HOXB8: variants seen among roughly 807,000 people sequenced by gnomAD.
The protein encoded by HOXB8 is homeobox B8, also known as homeobox protein Hox-B8.
HOXB8 carries 17 observed loss-of-function variants against 22.2 expected under a neutral mutation model. That is an observed-to-expected ratio of 0.77 (90% CI 0.53 to 1.15). The LOEUF (loss-of-function observed/expected upper bound fraction) is 1.15. HOXB8 is among the 50% of genes most tolerant of loss of function. The pLI, the probability that HOXB8 is intolerant of heterozygous loss-of-function variation, is 0.00. For synonymous variants in HOXB8, 156 were observed against 144.6 expected (o/e 1.08, Z -0.57); for missense variants, 287 against 323.8 (o/e 0.89, Z 0.87).
Position 48,614,275 on chromosome 17 carries a change from G to T in HOXB8, c.424+6C>A. ...CCTGCCCTTGTCGGCCCCGAGGCGA[G>T]CTCACCTTGCGGGCGCATCCAGGGG... On this transcript the variant is annotated splice_donor_region_variant and intron_variant, in intron 1 of 1. Transcript: ENST00000239144. This position sits in a 1 kb window ranked among gnomAD's most constrained non-coding sequence, Gnocchi z 4.1. The T allele has an allele frequency of 1.3e-6, 2 of 1,496,658 alleles. No individual in the cohort carries two copies. The highest frequency in any genetic ancestry group is 1.8e-6 in the Non-Finnish European group (2 of 1,132,180). The allele number at this position is 1,496,658 out of a possible 1,614,324, so 92.7% of individuals were successfully genotyped here.
chr17:48,614,898 C>A lies in HOXB8; in HGVS notation c.-194G>T, dbSNP rs967050693. 5.6e-6 allele frequency: 3 copies of A among 537,114 alleles called. No individual in the cohort carries two copies. Among genetic ancestry groups the A allele is most frequent in the African/African-American group, 3.9e-5 (2 of 51,758 alleles). The allele number at this position is 537,114 out of a possible 1,614,324, so 33.3% of individuals were successfully genotyped here. A position where few individuals can be genotyped will look rare whatever the true frequency, so the allele number is the denominator to read the frequency against. On this transcript the variant is annotated 5_prime_UTR_variant, in exon 1 of 2. Coordinates refer to ENST00000239144, the MANE Select transcript of HOXB8 (RefSeq NM_024016.4). This position sits in a 1 kb window ranked among gnomAD's most constrained non-coding sequence, Gnocchi z 4.1. ...AAGAAAGAAAAGGCGAAGAAGATCT[C>A]GAAGCCGACACACTTTTTGTGGTTT...
In HOXB8 at chr17:48,614,335, C is replaced by T. The variant is rs759929773; in HGVS notation, c.370G>A (p.Gly124Ser). The change falls in exon 1 of 2, where the codon GGC (glycine) becomes AGC (serine). Residue 124 changes from glycine (G) to serine (S), a missense_variant. Gly to Ser is a moderately conservative substitution (Grantham distance 56). Transcript: ENST00000239144. The surrounding 1 kb of genome is among the most constrained non-coding windows in gnomAD (Gnocchi z 4.1). ...AASGLGEEAE[G>S]SEQSPSPTQL... ...GTGGGCGACGGGCTCTGCTCGGAGC[C>T]CTCGGCCTCCTCGCCCAGGCCGCTG... 2 of 1,592,796 alleles carry T rather than the reference C, an allele frequency of 1.3e-6. No homozygotes were observed. Among genetic ancestry groups the T allele is most frequent in the Admixed American group, 1.7e-5 (1 of 58,064 alleles).
In HOXB8 at chr17:48,614,654, C is replaced by G; in HGVS notation, c.51G>C (p.Glu17Asp). Reference sequence around the variant, plus strand: ...AGTCATAATAATTGGGGCGCAGGGACTCCCCGGTTTTGTATTTGGAGAACA... The same window carrying G: ...AGTCATAATAATTGGGGCGCAGGGAGTCCCCGGTTTTGTATTTGGAGAACA... Reference protein sequence around the residue: ...NSLFSKYKTGESLRPNYYDCG... With the variant: ...NSLFSKYKTGDSLRPNYYDCG... Residue 17 changes from glutamate to aspartate, a missense_variant, in exon 1 of 2, where the codon GAG becomes GAC. By Grantham distance (45) the Glu-to-Asp change is conservative. Transcript: ENST00000239144. This position sits in a 1 kb window ranked among gnomAD's most constrained non-coding sequence, Gnocchi z 4.1. The G allele has an allele frequency of 6.2e-7, 1 of 1,607,962 alleles. No individual in the cohort carries two copies. The highest frequency in any genetic ancestry group is 8.5e-7 in the Non-Finnish European group (1 of 1,176,848).
In HOXB8 at chr17:48,613,167, C is replaced by T. The variant is rs775725748; in HGVS notation, c.*35G>A. 3 of 1,345,246 alleles carry T rather than the reference C, an allele frequency of 2.2e-6. No individual in the cohort carries two copies. Among genetic ancestry groups the T allele is most frequent in the East Asian group, 2.9e-5 (1 of 34,872 alleles). The allele number at this position is 1,345,246 out of a possible 1,614,324, so 83.3% of individuals were successfully genotyped here. A position where few individuals can be genotyped will look rare whatever the true frequency, so the allele number is the denominator to read the frequency against. Reference sequence around the variant, plus strand: ...GGCGCGGCCGGGACCCGCGGACGTGCGGGCGGCCGCGGCCCTGGCAGTCCC... The same window carrying T: ...GGCGCGGCCGGGACCCGCGGACGTGTGGGCGGCCGCGGCCCTGGCAGTCCC... On this transcript the variant is annotated 3_prime_UTR_variant, in exon 2 of 2. Coordinates refer to ENST00000239144, the MANE Select transcript of HOXB8 (RefSeq NM_024016.4).
rs2070668848 is a variant in HOXB8 at position 48,612,823 on chromosome 17, T to C, written c.*379A>G. The C allele has an allele frequency of 6.7e-6, 1 of 149,518 alleles. No individual in the cohort carries two copies. Among genetic ancestry groups the C allele is most frequent in the Admixed American group, 6.8e-5 (1 of 14,732 alleles). The allele number at this position is 149,518 out of a possible 1,614,324, so 9.3% of individuals were successfully genotyped here. On this transcript the variant is annotated 3_prime_UTR_variant, in exon 2 of 2. Coordinates refer to ENST00000239144, the MANE Select transcript of HOXB8 (RefSeq NM_024016.4). ...TAGCAGAAATCGGTACCTTGGTCAT[T>C]ACAAAGAAGCACGTTCAAAGGAAAA...
chr17:48,615,160 C>T lies in HOXB8; in HGVS notation c.-456G>A, dbSNP rs577820887. Among the ~76,000 whole-genome samples the T allele has an allele frequency of 1.3e-4, 20 of 151,944 alleles. No individual in the cohort carries two copies. The highest frequency in any genetic ancestry group is 1.3e-4 in the Admixed American group (2 of 15,284). ...CTGTCTTTTCATGATCATTTGCATC[C>T]ATTAGAGACCCCGCATCCTATTGGC... On this transcript the variant is annotated 5_prime_UTR_variant, in exon 1 of 2. The change abolishes an upstream ATG in the 5' untranslated region. Transcript: ENST00000239144.
chr17:48,613,125 C>G lies in HOXB8; in HGVS notation c.*77G>C. 1 of 1,054,794 alleles carries G rather than the reference C, an allele frequency of 9.5e-7. No homozygotes were observed. The highest frequency in any genetic ancestry group is 4.5e-5 in the South Asian group (1 of 22,162). 65.3% of individuals were successfully genotyped at this position (1,054,794 alleles called of 1,614,324 possible). A position where few individuals can be genotyped will look rare whatever the true frequency, so the allele number is the denominator to read the frequency against. On this transcript the variant is annotated 3_prime_UTR_variant, in exon 2 of 2. Transcript: ENST00000239144. Reference sequence around the variant, plus strand: ...CTAGCGGGGCCAGAGCTCTCTCGGGCAGGGGCGCGCGGCGGCGGCGCGGCC... The same window carrying G: ...CTAGCGGGGCCAGAGCTCTCTCGGGGAGGGGCGCGCGGCGGCGGCGCGGCC...
Position 48,614,988 on chromosome 17 carries a change from T to A in HOXB8, c.-284A>T. 7.4e-6 allele frequency: 2 copies of A among 271,556 alleles called. No individual in the cohort carries two copies. The highest frequency in any genetic ancestry group is 6.7e-6 in the Non-Finnish European group (1 of 148,800). The allele number at this position is 271,556 out of a possible 1,614,324, so 16.8% of individuals were successfully genotyped here. A position where few individuals can be genotyped will look rare whatever the true frequency, so the allele number is the denominator to read the frequency against. ...AGCTTGCATGGCAGCCGCGGCTCGC[T>A]CGCCCTCCCCCCACCCCCCACCCCC... On this transcript the variant is annotated 5_prime_UTR_variant, in exon 1 of 2. Coordinates refer to ENST00000239144, the MANE Select transcript of HOXB8 (RefSeq NM_024016.4). This position sits in a 1 kb window ranked among gnomAD's most constrained non-coding sequence, Gnocchi z 4.1.
chr17:48,613,478 G>C lies in HOXB8; in HGVS notation c.456C>G (p.Thr152=). Residue 152 remains threonine (T), a synonymous_variant, in exon 2 of 2, where the codon ACC becomes ACG. Transcript: ENST00000239144. ...GCTCCAGGGTCTGGTAGCGGCTGTAGGTCTGTCGGCCTCGCCTGCGTCCGG... is the reference window on the plus strand; with the variant it reads ...GCTCCAGGGTCTGGTAGCGGCTGTACGTCTGTCGGCCTCGCCTGCGTCCGG... ...AAAGRRRGRQ[T]YSRYQTLELE... is the part of the protein sequence containing the mutation. 1.3e-6 allele frequency: 2 copies of C among 1,595,672 alleles called. No individual in the cohort carries two copies. The highest frequency in any genetic ancestry group is 1.7e-6 in the Non-Finnish European group (2 of 1,167,288).
chr17:48,613,176 G>A lies in HOXB8; in HGVS notation c.*26C>T, dbSNP rs762950008. The A allele has an allele frequency of 5.7e-6, 8 of 1,393,286 alleles. No individual in the cohort carries two copies. Among genetic ancestry groups the A allele is most frequent in the Non-Finnish European group, 7.5e-6 (8 of 1,068,972 alleles). 86.3% of individuals were successfully genotyped at this position (1,393,286 alleles called of 1,614,324 possible). On this transcript the variant is annotated 3_prime_UTR_variant, in exon 2 of 2. Transcript: ENST00000239144. ...GGGACCCGCGGACGTGCGGGCGGCC[G>A]CGGCCCTGGCAGTCCCAGCTGAAGC...
At position 48,613,256 on chromosome 17, in the gene HOXB8, C is replaced by T. The variant is rs2087307089; in HGVS notation, c.678G>A (p.Glu226=). ...CCTCGTCCGCCGCCTCTGGGGCCCG[C>T]TCCAGCTTCTGTTTCTCCAGCTCCT... ...EQEELEKQKL[E]RAPEAADEGD... Residue 226 remains glutamate, a synonymous_variant, in exon 2 of 2, where the codon GAG becomes GAA. Transcript: ENST00000239144. The T allele has an allele frequency of 6.2e-7, 1 of 1,613,820 alleles. No homozygotes were observed. Among genetic ancestry groups the T allele is most frequent in the Non-Finnish European group, 8.5e-7 (1 of 1,179,854 alleles).
chr17:48,614,319 G>C lies in HOXB8; in HGVS notation c.386C>G (p.Pro129Arg). The change falls in exon 1 of 2, where the codon CCG (proline) becomes CGG (arginine). Residue 129 changes from proline (P) to arginine (R), a missense_variant. This residue lies in a region of HOXB8 where 229 missense variants were observed against 239.8 expected (regional missense o/e 0.95). Transcript: ENST00000239144. This position sits in a 1 kb window ranked among gnomAD's most constrained non-coding sequence, Gnocchi z 4.1. ...GEEAEGSEQSPSPTQLFPWMR... is the reference protein window; with the variant it reads ...GEEAEGSEQSRSPTQLFPWMR... ...CCAGGGGAAGAGCTGTGTGGGCGAC[G>C]GGCTCTGCTCGGAGCCCTCGGCCTC... 2 of 1,560,966 alleles carry C rather than the reference G, an allele frequency of 1.3e-6. No individual in the cohort carries two copies. The highest frequency in any genetic ancestry group is 1.7e-6 in the Non-Finnish European group (2 of 1,163,104).
At position 48,613,297 on chromosome 17, in the gene HOXB8, T is replaced by G. The variant is rs1258056820; in HGVS notation, c.637A>C (p.Ser213Arg). Residue 213 changes from serine (S) to arginine (R), a missense_variant, in exon 2 of 2, where the codon AGC (serine) becomes CGC (arginine). Ser to Arg is a moderately radical substitution (Grantham distance 110). This residue lies in a region of HOXB8 where 52 missense variants were observed against 54.8 expected (regional missense o/e 0.95). Coordinates refer to ENST00000239144, the MANE Select transcript of HOXB8 (RefSeq NM_024016.4). ...KENNKDKFPS[S>R]KCEQEELEKQ... is the part of the protein sequence containing the mutation. The stretch of plus-strand genomic sequence containing the variant: ...TCCAGCTCCTCCTGCTCGCATTTGC[T>G]GCTGGGGAACTTGTCTTTGTTGTTC... The G allele has an allele frequency of 6.2e-7, 1 of 1,614,030 alleles. No homozygotes were observed. Among genetic ancestry groups the G allele is most frequent in the South Asian group, 1.1e-5 (1 of 91,076 alleles).
rs555484690 is a variant in HOXB8 at position 48,614,192 on chromosome 17, C to T, written c.424+89G>A. ...GATCGGAACGGAGCCGGCAAGTCTT[C>T]CAGAAGCTGGAGGAAATGCGCCCCG... is the stretch of plus-strand genomic sequence containing the variant. On this transcript the variant is annotated intron_variant, in intron 1 of 1. Coordinates refer to ENST00000239144, the MANE Select transcript of HOXB8 (RefSeq NM_024016.4). This position sits in a 1 kb window ranked among gnomAD's most constrained non-coding sequence, Gnocchi z 4.1. 1 of 1,115,628 alleles carries T rather than the reference C, an allele frequency of 9.0e-7. No individual in the cohort carries two copies. The highest frequency in any genetic ancestry group is 1.8e-5 in the South Asian group (1 of 55,714). 69.1% of individuals were successfully genotyped at this position (1,115,628 alleles called of 1,614,324 possible).
In HOXB8 at chr17:48,614,520, G is replaced by C; in HGVS notation, c.185C>G (p.Ser62Trp). 1 of 1,613,926 alleles carries C rather than the reference G, an allele frequency of 6.2e-7. No homozygotes were observed. Among genetic ancestry groups the C allele is most frequent in the Non-Finnish European group, 8.5e-7 (1 of 1,179,918 alleles). ...CTGGTAGGGAGCCGTGGACAGCGAC[G>C]ACGGCCCGTGGTAGAACTCCTGGAT... The part of the protein sequence containing the change: ...SQIQEFYHGP[S>W]SLSTAPYQQN... Residue 62 changes from serine to tryptophan, a missense_variant, in exon 1 of 2, where the codon TCG (serine) becomes TGG (tryptophan). Ser to Trp is a radical substitution (Grantham distance 177). This residue lies in a region of HOXB8 where 229 missense variants were observed against 239.8 expected (regional missense o/e 0.95). Transcript: ENST00000239144. The surrounding 1 kb of genome is among the most constrained non-coding windows in gnomAD (Gnocchi z 4.1).
In HOXB8 at chr17:48,614,170, C is replaced by T. The variant is rs977755058; in HGVS notation, c.424+111G>A. On this transcript the variant is annotated intron_variant, in intron 1 of 1. Transcript: ENST00000239144. This position sits in a 1 kb window ranked among gnomAD's most constrained non-coding sequence, Gnocchi z 4.1. ...AGAAAGGGGAAAAGCGGCAGGCGAT[C>T]GGAACGGAGCCGGCAAGTCTTCCAG... The T allele has an allele frequency of 6.4e-5, 51 of 794,284 alleles. 1 individual carries two copies. In the African/African-American group the frequency reaches 8.1e-4, roughly 13 times the overall value. 49.2% of individuals were successfully genotyped at this position (794,284 alleles called of 1,614,324 possible).
At position 48,614,106 on chromosome 17, in the gene HOXB8, C is replaced by A. The variant is rs181337517; in HGVS notation, c.424+175G>T. 2.0e-4 allele frequency among the ~76,000 whole-genome samples: 30 copies of A among 152,186 alleles called. No homozygotes were observed. Among genetic ancestry groups the A allele is most frequent in the African/African-American group, 6.7e-4 (28 of 41,544 alleles). Reference sequence around the variant, plus strand: ...GGAAATGTTTCTAAGCGACCCCCTTCAAGGGAAAGAAAAAAGAAAGAAGAA... The same window carrying A: ...GGAAATGTTTCTAAGCGACCCCCTTAAAGGGAAAGAAAAAAGAAAGAAGAA... On this transcript the variant is annotated intron_variant, in intron 1 of 1. Transcript: ENST00000239144. The surrounding 1 kb of genome is among the most constrained non-coding windows in gnomAD (Gnocchi z 4.1).
Position 48,614,602 on chromosome 17 carries a change from G to A in HOXB8, c.103C>T (p.Arg35Ter). The change falls in exon 1 of 2, where the codon CGA becomes TGA. Residue 35 changes from arginine to a stop codon, truncating the protein, a stop_gained. Coordinates refer to ENST00000239144, the MANE Select transcript of HOXB8 (RefSeq NM_024016.4). LOFTEE classifies it high-confidence loss of function. This position sits in a 1 kb window ranked among gnomAD's most constrained non-coding sequence, Gnocchi z 4.1. Reference protein sequence around the residue: ...DCGFAQDLGGRPTVVYGPSSG... With the variant: ...DCGFAQDLGG ...CTGGGACCGTACACCACGGTGGGTC[G>A]GCCGCCCAGGTCCTGGGCGAAGCCG... 6.2e-7 allele frequency: 1 copy of A among 1,609,842 alleles called. No homozygotes were observed. Among genetic ancestry groups the A allele is most frequent in the Non-Finnish European group, 8.5e-7 (1 of 1,178,126 alleles).
chr17:48,614,948 G>A lies in HOXB8; in HGVS notation c.-244C>T. The A allele has an allele frequency of 2.5e-6, 1 of 401,786 alleles. No homozygotes were observed. Among genetic ancestry groups the A allele is most frequent in the South Asian group, 4.9e-5 (1 of 20,410 alleles). The allele number at this position is 401,786 out of a possible 1,614,324, so 24.9% of individuals were successfully genotyped here. On this transcript the variant is annotated 5_prime_UTR_variant, in exon 1 of 2. Transcript: ENST00000239144. This position sits in a 1 kb window ranked among gnomAD's most constrained non-coding sequence, Gnocchi z 4.1. ...TCCAGGAATAGAAAAGGACAGAGAAGCCTCCAAAAGTCTAAGCTTGCATGG... is the reference window on the plus strand; with the variant it reads ...TCCAGGAATAGAAAAGGACAGAGAAACCTCCAAAAGTCTAAGCTTGCATGG...
Sources: gnomAD v4.1 joint callset for allele counts (sites outside exome capture counted in the v4.1 genomes callset) on GRCh38, gnomAD v4.1.1 for gene constraint, gnomAD v4.1.1 regional missense constraint, Gnocchi (gnomAD v3.1) non-coding constraint, MANE v1.5 for transcripts, NCBI Gene and HGNC (gene_info 2026-07-23, HGNC 2026-07-21) for gene names.